KIF26B: variants seen among roughly 807,000 people sequenced by gnomAD.
KIF26B encodes the protein kinesin-like protein KIF26B.
A neutral mutation model predicts 151.2 loss-of-function variants in KIF26B; 63 were observed. The observed-to-expected ratio is 0.42, with a 90% CI of 0.34 to 0.51. The LOEUF is 0.51. KIF26B is among the 20% of genes least tolerant of loss of function. The pLI is 0.07. For missense variants in KIF26B, 2,813 were observed against 2,913.6 expected, an observed-to-expected ratio of 0.97 and a Z score of 0.79; for synonymous variants, 1,357 against 1,262.1, an observed-to-expected ratio of 1.08 and a Z score of -1.59.
chr1:245,228,238 C>A (rs1218781420), intron 2 of KIF26B, among the ~76,000 whole-genome samples: 5 of 152,220 alleles, frequency 3.3e-5, no homozygotes, highest in African/African-American at 1.2e-4. Context: ...TCATTCCCTG[C>A]ACTTGTACAT....
intron 2 of KIF26B, among the ~76,000 whole-genome samples, chr1:245,157,392 C>A (rs1469352515): frequency 6.6e-6 from 1 of 152,188 alleles, no homozygotes; most frequent in Non-Finnish European, 1.5e-5. Flanking sequence ...ATTTACTCGG[C>A]CACTTCAAAG....
intron 2 of KIF26B, among the ~76,000 whole-genome samples, chr1:245,292,559 CT>C (rs1469060415): frequency 1.4e-4 from 22 of 152,314 alleles, no homozygotes; most frequent in African/African-American, 4.3e-4. Flanking sequence ...CCATTGGGTA[CT>C]ATTTTACCTT....
chr1:245,159,692 T>C (rs1668503096), intron 2 of KIF26B, among the ~76,000 whole-genome samples: 1 of 152,194 alleles, frequency 6.6e-6, no homozygotes, highest in South Asian at 2.1e-4. Context: ...CTGTGCCTGT[T>C]GGTAGGTAGC....
Position 245,684,222 on chromosome 1 carries a change from T to G in KIF26B, c.2259-11T>G. The G allele has an allele frequency of 6.2e-7, 1 of 1,609,434 alleles. No homozygotes were observed. Among genetic ancestry groups the G allele is most frequent in the Non-Finnish European group, 8.5e-7 (1 of 1,176,256 alleles). On this transcript the variant is annotated splice_polypyrimidine_tract_variant and intron_variant, in intron 10 of 14. Transcript: ENST00000407071. ...GGCCGCTAATGCAGCCTAATTCACTTTGTTTGGCAGAGAGAGCAAGCTCGC... is the reference window on the plus strand; with the variant it reads ...GGCCGCTAATGCAGCCTAATTCACTGTGTTTGGCAGAGAGAGCAAGCTCGC...
chr1:245,553,460 C>T lies in KIF26B; in HGVS notation c.1350+12510C>T, dbSNP rs533794480. ...GCTGAGGCTGGTCGTCCTCCTCTGC[C>T]GCTGACAGTCCCAAGCTCTCTTCCC... is the stretch of plus-strand genomic sequence containing the variant. On this transcript the variant is annotated intron_variant, in intron 5 of 14. Coordinates refer to ENST00000407071, the MANE Select transcript of KIF26B (RefSeq NM_018012.4). Among the ~76,000 whole-genome samples, 14 of 152,322 alleles carry T rather than the reference C, an allele frequency of 9.2e-5. No homozygotes were observed. The South Asian group carries it at 1.0e-3, about 11-fold the overall frequency.
intron 3 of KIF26B, among the ~76,000 whole-genome samples, chr1:245,386,199 C>A (rs1032213128): frequency 3.9e-5 from 6 of 151,996 alleles, no homozygotes; most frequent in Admixed American, 3.3e-4. Context: ...TGAGATTGTG[C>A]CATTGCACTC....
chr1:245,415,614 C>T (rs1460615646), intron 3 of KIF26B, among the ~76,000 whole-genome samples: 1 of 152,130 alleles, frequency 6.6e-6, no homozygotes, highest in African/African-American at 2.4e-5. Context: ...GAAGCTACAG[C>T]TGCTTCTACT....
At chr1:245,483,673 G>A (rs1196455614) in intron 4 of KIF26B, among the ~76,000 whole-genome samples, 5 of 151,880 alleles carry the variant, frequency 3.3e-5, no homozygotes, top group African/African-American at 1.2e-4. Context: ...TGAAGGGCGT[G>A]GGTAGTGAAC....
intron 2 of KIF26B, among the ~76,000 whole-genome samples, chr1:245,194,152 A>G (rs1669154124): frequency 6.6e-6 from 1 of 152,216 alleles, no homozygotes; most frequent in Non-Finnish European, 1.5e-5. Flanking sequence ...TAAGGCCATT[A>G]TCTCGTCTTT....
chr1:245,648,871 A>C (rs2043981949), intron 10 of KIF26B, among the ~76,000 whole-genome samples: 1 of 152,114 alleles, frequency 6.6e-6, no homozygotes, highest in Non-Finnish European at 1.5e-5. Context: ...ACTAGCTTCC[A>C]TGCAGTGTCA....
intron 2 of KIF26B, among the ~76,000 whole-genome samples, chr1:245,339,340 G>A (rs930989748): frequency 6.6e-6 from 1 of 152,100 alleles, no homozygotes; most frequent in Admixed American, 6.5e-5. Flanking sequence ...CTGCTAAGGC[G>A]GCCATGTTGG....
chr1:245,430,056 TGTC>T (rs1274813347), intron 4 of KIF26B, among the ~76,000 whole-genome samples: 2 of 152,240 alleles, frequency 1.3e-5, no homozygotes, highest in African/African-American at 2.4e-5. Context: ...AAGCTGGAAT[TGTC>T]GTGATACTCA....
chr1:245,708,554 C>T lies in KIF26B; in HGVS notation c.*5948C>T, dbSNP rs960384154. On this transcript the variant is annotated 3_prime_UTR_variant, in exon 15 of 15. Coordinates refer to ENST00000407071, the MANE Select transcript of KIF26B (RefSeq NM_018012.4). Reference sequence around the variant, plus strand: ...CAGAAAACCTGAGTTCTAATTCCAGCTTTGCCAGTCGTCCCGTCCGTGATA... The same window carrying T: ...CAGAAAACCTGAGTTCTAATTCCAGTTTTGCCAGTCGTCCCGTCCGTGATA... The T allele has an allele frequency of 1.3e-5, 2 of 152,090 alleles. No homozygotes were observed. Among genetic ancestry groups the T allele is most frequent in the African/African-American group, 4.8e-5 (2 of 41,396 alleles). The allele number at this position is 152,090 out of a possible 1,614,324, so 9.4% of individuals were successfully genotyped here. A position where few individuals can be genotyped will look rare whatever the true frequency, so the allele number is the denominator to read the frequency against.
chr1:245,668,143 G>A (rs868486521), intron 10 of KIF26B, among the ~76,000 whole-genome samples: 1 of 152,144 alleles, frequency 6.6e-6, no homozygotes, highest in South Asian at 2.1e-4. Context: ...TGATCAGCCT[G>A]CCTCGGCCTC....
At chr1:245,365,543 C>T (rs995313486) in intron 2 of KIF26B, among the ~76,000 whole-genome samples, 4 of 150,522 alleles carry the variant, frequency 2.7e-5, no homozygotes, top group African/African-American at 7.5e-5. Flanking sequence ...CTCAGCAAAC[C>T]GCCTTCAGCT....
rs372878516 is a variant in KIF26B at position 245,586,387 on chromosome 1, G to C, written c.1351-16190G>C. Among the ~76,000 whole-genome samples, 18 of 152,228 alleles carry C rather than the reference G, an allele frequency of 1.2e-4. No homozygotes were observed. In the East Asian group the frequency reaches 3.3e-3, roughly 28 times the overall value. On this transcript the variant is annotated intron_variant, in intron 5 of 14. Transcript: ENST00000407071. ...GTGTTATTAGCATTATTTTACAGAT[G>C]GAGAAATTAACACCTGGAGTTTTGT... is the stretch of plus-strand genomic sequence containing the variant.
At chr1:245,266,519 T>C (rs1377394146) in intron 2 of KIF26B, among the ~76,000 whole-genome samples, 5 of 151,930 alleles carry the variant, frequency 3.3e-5, no homozygotes, top group East Asian at 1.9e-4. Flanking sequence ...TTCTTTCTTT[T>C]TTTTTTTGAG....
intron 2 of KIF26B, among the ~76,000 whole-genome samples, chr1:245,236,832 C>T (rs1477161986): frequency 6.6e-6 from 1 of 152,190 alleles, no homozygotes; most frequent in African/African-American, 2.4e-5. Context: ...ATCCCCAGGG[C>T]AGAACACCAT....
At chr1:245,645,264 C>T (rs1318418007) in intron 9 of KIF26B, among the ~76,000 whole-genome samples, 1 of 152,100 alleles carries the variant, frequency 6.6e-6, no homozygotes, top group Admixed American at 6.5e-5. Flanking sequence ...ACATCTCCAA[C>T]ATTGAGGATC....
Sources: gnomAD v4.1 joint callset for allele counts (sites outside exome capture counted in the v4.1 genomes callset) on GRCh38, gnomAD v4.1.1 for gene constraint, MANE v1.5 for transcripts, NCBI Gene and HGNC (gene_info 2026-07-23, HGNC 2026-07-21) for gene names.